The following GALNTL6 variants were observed in gnomAD, a reference collection of about 807,000 sequenced individuals.
GALNTL6 encodes polypeptide N-acetylgalactosaminyltransferase-like 6.
Under a neutral mutation model 73.7 loss-of-function variants are expected in GALNTL6, and 46 were observed. The ratio of observed to expected loss-of-function variants is 0.62; its 90% confidence interval spans 0.49 to 0.80. GALNTL6 has a LOEUF of 0.80. GALNTL6 is among the 30% of genes least tolerant of loss of function. The pLI is 0.00. For missense variants in GALNTL6, 604 were observed against 755.0 expected (o/e 0.80, Z 2.34); for synonymous variants, 259 against 263.7 (o/e 0.98, Z 0.17).
At chr4:171,825,859 A>G (rs1734811613) in intron 2 of GALNTL6, among the ~76,000 whole-genome samples, 1 of 152,206 alleles carries the variant, frequency 6.6e-6, no homozygotes. Context: ...TCTGTTGAAC[A>G]TCACCGTGTT....
At chr4:172,873,684 T>C (rs971072803) in intron 7 of GALNTL6, among the ~76,000 whole-genome samples, 1 of 152,254 alleles carries the variant, frequency 6.6e-6, no homozygotes, top group African/African-American at 2.4e-5. Flanking sequence ...GGTGATGCTT[T>C]TTTCCAGACT....
At chr4:171,982,471 T>G (rs975922356) in intron 2 of GALNTL6, among the ~76,000 whole-genome samples, 2 of 152,066 alleles carry the variant, frequency 1.3e-5, no homozygotes, top group Non-Finnish European at 2.9e-5. Context: ...CTGATTTTTT[T>G]GTATTTTCAT....
rs773277086 is a variant in GALNTL6, at chr4:172,454,130, A to G, written c.553+105441A>G. On this transcript the variant is annotated intron_variant, in intron 5 of 12. Transcript: ENST00000506823. ...TTTTATTCAAAGCCCAATGGAATGA[A>G]TCCCATAAAAAAAATAATAAGAGGC... is the stretch of plus-strand genomic sequence containing the variant. 4.0e-4 allele frequency among the ~76,000 whole-genome samples: 61 copies of G among 152,304 alleles called. 1 individual carries two copies. Among genetic ancestry groups the G allele is most frequent in the African/African-American group, 1.3e-3 (55 of 41,568 alleles).
intron 9 of GALNTL6, among the ~76,000 whole-genome samples, chr4:172,938,170 A>G (rs1748721992): frequency 6.6e-6 from 1 of 152,058 alleles, no homozygotes; most frequent in East Asian, 1.9e-4. Context: ...TTCTTTATAT[A>G]CTTCCCAAGA....
At chr4:172,861,199 T>C (rs902701980) in intron 7 of GALNTL6, among the ~76,000 whole-genome samples, 1 of 152,136 alleles carries the variant, frequency 6.6e-6, no homozygotes, top group African/African-American at 2.4e-5. Context: ...TTAGGTGAGA[T>C]TTGAGGATAA....
chr4:172,531,654 A>G (rs1250375576), intron 5 of GALNTL6, among the ~76,000 whole-genome samples: 2 of 152,162 alleles, frequency 1.3e-5, no homozygotes, highest in South Asian at 2.1e-4. Context: ...TGTCCCTGCC[A>G]AGTCGACCAC....
intron 2 of GALNTL6, among the ~76,000 whole-genome samples, chr4:171,833,367 C>G (rs952780976): frequency 6.6e-6 from 1 of 151,530 alleles, no homozygotes; most frequent in African/African-American, 2.4e-5. Context: ...ATTTGTTAAG[C>G]ACACTTTATG....
intron 10 of GALNTL6, among the ~76,000 whole-genome samples, chr4:173,002,481 A>T (rs1448791532): frequency 6.6e-6 from 1 of 151,880 alleles, no homozygotes; most frequent in African/African-American, 2.4e-5. Context: ...GTATATATTT[A>T]TATATGTGTT....
At chr4:172,503,390 A>C (rs902736187) in intron 5 of GALNTL6, among the ~76,000 whole-genome samples, 1 of 151,948 alleles carries the variant, frequency 6.6e-6, no homozygotes, top group Non-Finnish European at 1.5e-5. Flanking sequence ...AATTTGGCTC[A>C]TCCTGACTTT....
At chr4:172,920,199 C>T (rs2111289889) in intron 8 of GALNTL6, among the ~76,000 whole-genome samples, 1 of 152,300 alleles carries the variant, frequency 6.6e-6, no homozygotes, top group Admixed American at 6.5e-5. Flanking sequence ...CTAACTTCTA[C>T]TTTTATTTCA....
intron 5 of GALNTL6, among the ~76,000 whole-genome samples, chr4:172,646,841 C>T (rs1740265137): frequency 2.6e-5 from 4 of 151,900 alleles, no homozygotes; most frequent in African/African-American, 9.7e-5. Context: ...CTCAAATTAC[C>T]ATTTTTAGAC....
chr4:171,833,716 G>A (rs1735034718), intron 2 of GALNTL6, among the ~76,000 whole-genome samples: 1 of 151,766 alleles, frequency 6.6e-6, no homozygotes, highest in African/African-American at 2.4e-5. Flanking sequence ...TGGTGTATGG[G>A]TTTATATTAG....
chr4:172,379,086 G>A (rs1294024011), intron 5 of GALNTL6, among the ~76,000 whole-genome samples: 2 of 152,156 alleles, frequency 1.3e-5, no homozygotes. Flanking sequence ...AGCTTTTTCT[G>A]AAGGGGAGAA....
At chr4:172,553,619 AATTCTG>A (rs758861736) in intron 5 of GALNTL6, among the ~76,000 whole-genome samples, 1 of 152,194 alleles carries the variant, frequency 6.6e-6, no homozygotes, top group Non-Finnish European at 1.5e-5. Flanking sequence ...AAAAATGAAT[AATTCTG>A]ATTCATCATA....
intron 2 of GALNTL6, among the ~76,000 whole-genome samples, chr4:172,080,686 A>G (rs1018184649): frequency 2.0e-5 from 3 of 151,760 alleles, no homozygotes; most frequent in Non-Finnish European, 4.4e-5. Flanking sequence ...TAGGTCATAC[A>G]GTTTGGGTCT....
chr4:172,376,439 G>A (rs114164322), intron 5 of GALNTL6, among the ~76,000 whole-genome samples: 2,917 of 152,130 alleles, frequency 0.019, 83 homozygotes, highest in African/African-American at 0.064. Context: ...CCTCTCTGTC[G>A]ACCCTCGACT....
intron 12 of GALNTL6, among the ~76,000 whole-genome samples, chr4:173,024,944 T>C (rs1753173625): frequency 6.6e-6 from 1 of 152,118 alleles, no homozygotes; most frequent in Non-Finnish European, 1.5e-5. Flanking sequence ...CTAGGAGAGT[T>C]CCCCAATGCC....
intron 2 of GALNTL6, among the ~76,000 whole-genome samples, chr4:172,137,727 C>T (rs1403008786): frequency 6.6e-6 from 1 of 152,162 alleles, no homozygotes; most frequent in African/African-American, 2.4e-5. Flanking sequence ...TGAGCTCTTT[C>T]CCTGAATTTT....
intron 9 of GALNTL6, among the ~76,000 whole-genome samples, chr4:172,943,981 C>G (rs1419709799): frequency 6.6e-6 from 1 of 151,942 alleles, no homozygotes; most frequent in Admixed American, 6.6e-5. Flanking sequence ...GCACCACATA[C>G]AAAAATTAAT....
Sources: allele counts gnomAD v4.1 joint callset (sites outside exome capture counted in the v4.1 genomes callset), GRCh38; gene constraint gnomAD v4.1.1; transcripts MANE v1.5; gene names NCBI Gene and HGNC (gene_info 2026-07-23, HGNC 2026-07-21).